Variants in ATRN observed in about 807,000 individuals in gnomAD.
ATRN encodes the protein attractin, also known as attractin-2.
A neutral mutation model predicts 178.7 loss-of-function variants in ATRN; 54 were observed. The observed-to-expected ratio is 0.30, with a 90% CI of 0.24 to 0.38. ATRN has a LOEUF of 0.38. Among genes scored for constraint, ATRN ranks in the 10% least tolerant of loss-of-function variants. The pLI, the probability that ATRN is intolerant of heterozygous loss-of-function variation, is 1.00. For synonymous variants in ATRN, 636 were observed against 663.0 expected (o/e 0.96, Z 0.63); for missense variants, 1,443 against 1,815.1 (o/e 0.79, Z 3.73).
At chr20:3,593,576 C>G (rs2146275546) in intron 19 of ATRN, among the ~76,000 whole-genome samples, 2 of 152,288 alleles carry the variant, frequency 1.3e-5, no homozygotes, top group South Asian at 4.1e-4. Context: ...CTTTGCTTTT[C>G]ACTATACATT....
intron 1 of ATRN, among the ~76,000 whole-genome samples, chr20:3,511,624 TG>T (rs957770119): frequency 6.6e-6 from 1 of 152,178 alleles, no homozygotes; most frequent in African/African-American, 2.4e-5. Flanking sequence ...TCTCCATAGT[TG>T]TACCAGAGGT....
Position 3,560,889 on chromosome 20 carries a change from G to T in ATRN, c.1431G>T (p.Val477=). The T allele has an allele frequency of 1.9e-6, 3 of 1,613,996 alleles. No individual in the cohort carries two copies. Among genetic ancestry groups the T allele is most frequent in the Non-Finnish European group, 2.5e-6 (3 of 1,179,952 alleles). Reference sequence around the variant, plus strand: ...CTCTCTATGGATATATAAGCAATGTGCAGGAATATGATTTGGGTAGGTATA... The same window carrying T: ...CTCTCTATGGATATATAAGCAATGTTCAGGAATATGATTTGGGTAGGTATA... The part of the protein sequence containing the change: ...HCPLYGYISN[V]QEYDLDKNTW... Residue 477 remains valine (V), a synonymous_variant, in exon 8 of 29, where the codon GTG becomes GTT. Coordinates refer to ENST00000262919, the MANE Select transcript of ATRN (RefSeq NM_139321.3).
intron 18 of ATRN, among the ~76,000 whole-genome samples, chr20:3,588,835 TTTAA>T (rs1196556822): frequency 6.6e-6 from 1 of 152,156 alleles, no homozygotes; most frequent in Non-Finnish European, 1.5e-5. Flanking sequence ...CAGGAAAATT[TTTAA>T]TTATTAATTC....
At chr20:3,576,695 G>GTCTGTCTGTCTGTCTA (rs11472378) in intron 13 of ATRN, among the ~76,000 whole-genome samples, 164 bp from the exon 14 acceptor site, 8,190 of 142,268 alleles carry the variant, frequency 0.058, 268 homozygotes, top group Middle Eastern at 0.09. Context: ...CTGTCTGTCT[G>GTCTGTCTGTCTGTCTA]TCTATCTATC....
intron 24 of ATRN, among the ~76,000 whole-genome samples, chr20:3,621,786 A>T (rs992018256): frequency 1.3e-5 from 2 of 152,182 alleles, no homozygotes; most frequent in Admixed American, 6.5e-5. Context: ...AAAATACTTT[A>T]ATTTTAGAGT....
chr20:3,595,475 G>A (rs1011282583), intron 20 of ATRN, among the ~76,000 whole-genome samples: 3 of 152,164 alleles, frequency 2.0e-5, no homozygotes, highest in African/African-American at 4.8e-5. Flanking sequence ...CTACTTTTTA[G>A]TTTATATCTG....
intron 1 of ATRN, chr20:3,489,490 G>T: frequency 1.8e-6 from 2 of 1,121,324 alleles, no homozygotes; most frequent in South Asian, 1.2e-5. Context: ...TCTCAGGGAA[G>T]CCTGGGCTAG....
intron 24 of ATRN, among the ~76,000 whole-genome samples, chr20:3,610,166 T>G (rs944583364): frequency 1.3e-5 from 2 of 152,218 alleles, no homozygotes; most frequent in African/African-American, 2.4e-5. Context: ...CAGCAAGATG[T>G]TTTTGTAGAT....
Position 3,563,342 on chromosome 20 carries a change from G to A in ATRN, c.1765G>A (p.Asp589Asn). ...CCATGGCGCCAAATGCTTCTCTTCA[G>A]ATTTCATGGCCTATGACATTGGTAA... ...MSHGAKCFSS[D>N]FMAYDIACDR... The change falls in exon 10 of 29, where the codon GAT becomes AAT. Residue 589 changes from aspartate (D) to asparagine (N), a missense_variant. By Grantham distance (23) the Asp-to-Asn change is conservative (BLOSUM62 1). Around this residue, in one of 4 missense-constraint regions of ATRN, gnomAD observed 862 missense variants for 972.1 expected, o/e 0.89. Transcript: ENST00000262919. 6.2e-7 allele frequency: 1 copy of A among 1,613,954 alleles called. No homozygotes were observed. Among genetic ancestry groups the A allele is most frequent in the Non-Finnish European group, 8.5e-7 (1 of 1,179,920 alleles).
chr20:3,497,590 TA>T (rs2084898608), intron 1 of ATRN, among the ~76,000 whole-genome samples: 1 of 152,200 alleles, frequency 6.6e-6, no homozygotes, highest in Non-Finnish European at 1.5e-5. Context: ...TGGCTGCCCT[TA>T]ACATTTTTTC....
chr20:3,615,916 A>G (rs1975326918), intron 24 of ATRN: 6 of 439,422 alleles, frequency 1.4e-5, no homozygotes, highest in Admixed American at 2.4e-5. Context: ...AGGGGAAGGG[A>G]TAGCATTAGG....
intron 17 of ATRN, 99 bp downstream of exon 17, chr20:3,584,182 A>G: frequency 7.8e-7 from 1 of 1,283,430 alleles, no homozygotes; most frequent in Non-Finnish European, 1.1e-6. Context: ...CATTTTAGAA[A>G]CAAGACTGGA....
In ATRN at chr20:3,644,164, A is replaced by G. The variant is rs774794117; in HGVS notation, c.4061A>G (p.Lys1354Arg). Reference protein sequence around the residue: ...LIGGSIKTVPKPIALEPCFGN... With the variant: ...LIGGSIKTVPRPIALEPCFGN... Reference sequence around the variant, plus strand: ...GTTTTCTTCTGCCAGACTGTTCCCAAACCCATTGCACTGGAGCCGTGTTTT... The same window carrying G: ...GTTTTCTTCTGCCAGACTGTTCCCAGACCCATTGCACTGGAGCCGTGTTTT... Residue 1354 changes from lysine (K) to arginine (R), a missense_variant, in exon 28 of 29, where the codon AAA becomes AGA. Physicochemically the swap from Lys to Arg is conservative, Grantham distance 26. Coordinates refer to ENST00000262919, the MANE Select transcript of ATRN (RefSeq NM_139321.3). 2 of 1,613,802 alleles carry G rather than the reference A, an allele frequency of 1.2e-6. No individual in the cohort carries two copies. Among genetic ancestry groups the G allele is most frequent in the Non-Finnish European group, 1.7e-6 (2 of 1,179,702 alleles).
chr20:3,520,530 T>C (rs1461687989), intron 1 of ATRN, among the ~76,000 whole-genome samples: 1 of 152,192 alleles, frequency 6.6e-6, no homozygotes, highest in Non-Finnish European at 1.5e-5. Context: ...AATCTTGCTC[T>C]GTCACCCAGG....
chr20:3,592,381 C>G, intron 19 of ATRN: 1 of 854,950 alleles, frequency 1.2e-6, no homozygotes. Context: ...GCCTGGGCAA[C>G]AGAGTGAGAC....
chr20:3,495,408 T>G (rs1405103422), intron 1 of ATRN, among the ~76,000 whole-genome samples: 1 of 152,208 alleles, frequency 6.6e-6, no homozygotes, highest in Non-Finnish European at 1.5e-5. Flanking sequence ...ATCTGTATTT[T>G]TTAAAGCTTT....
At position 3,648,737 on chromosome 20, in the gene ATRN, C is replaced by T. The variant is rs945146330; in HGVS notation, c.*1890C>T. On this transcript the variant is annotated 3_prime_UTR_variant, in exon 29 of 29. Transcript: ENST00000262919. ...TTTCACATTACTGTTAAAGACCAGACGTTCTAGAAAAGACCCCTCCTCTCA... is the reference window on the plus strand; with the variant it reads ...TTTCACATTACTGTTAAAGACCAGATGTTCTAGAAAAGACCCCTCCTCTCA... 2 of 152,262 alleles carry T rather than the reference C, an allele frequency of 1.3e-5. No homozygotes were observed. Among genetic ancestry groups the T allele is most frequent in the Non-Finnish European group, 1.5e-5 (1 of 68,086 alleles). 9.4% of individuals were successfully genotyped at this position (152,262 alleles called of 1,614,324 possible).
At position 3,648,949 on chromosome 20, in the gene ATRN, T is replaced by C. The variant is rs375678534; in HGVS notation, c.*2102T>C. On this transcript the variant is annotated 3_prime_UTR_variant, in exon 29 of 29. Coordinates refer to ENST00000262919, the MANE Select transcript of ATRN (RefSeq NM_139321.3). ...CTAGGCCAAAGAAGTCTCTTCCCCA[T>C]GTTAGTCCTATGCCTTGAAATATCA... 6.6e-6 allele frequency: 1 copy of C among 152,246 alleles called. No individual in the cohort carries two copies. The highest frequency in any genetic ancestry group is 2.1e-4 in the South Asian group (1 of 4,830). The allele number at this position is 152,246 out of a possible 1,614,324, so 9.4% of individuals were successfully genotyped here. A position where few individuals can be genotyped will look rare whatever the true frequency, so the allele number is the denominator to read the frequency against.
chr20:3,508,074 C>T (rs1042038290), intron 1 of ATRN, among the ~76,000 whole-genome samples: 3 of 151,702 alleles, frequency 2.0e-5, no homozygotes, highest in East Asian at 1.9e-4. Flanking sequence ...AAAGGCTGGG[C>T]GTGATGGCTC....
Sources: gnomAD v4.1 joint callset for allele counts (sites outside exome capture counted in the v4.1 genomes callset) on GRCh38, gnomAD v4.1.1 for gene constraint, gnomAD v4.1.1 regional missense constraint, MANE v1.5 for transcripts, NCBI Gene and HGNC (gene_info 2026-07-23, HGNC 2026-07-21) for gene names.